TECRL: variants seen among roughly 807,000 people sequenced by gnomAD.
The protein encoded by TECRL is trans-2,3-enoyl-CoA reductase like.
Under a neutral mutation model 52.8 loss-of-function variants are expected in TECRL, and 63 were observed. That is an observed-to-expected ratio of 1.19 (90% CI 0.97 to 1.47). The LOEUF (loss-of-function observed/expected upper bound fraction) is 1.47. TECRL is among the 40% of genes most tolerant of loss of function. The pLI is 0.00. For synonymous variants in TECRL, 164 were observed against 141.9 expected, an observed-to-expected ratio of 1.16 and a Z score of -1.10; for missense variants, 482 against 429.6, an observed-to-expected ratio of 1.12 and a Z score of -1.08.
At chr4:64,295,135 A>G (rs1360897199) in intron 8 of TECRL, among the ~76,000 whole-genome samples, 1 of 151,622 alleles carries the variant, frequency 6.6e-6, no homozygotes, top group Non-Finnish European at 1.5e-5. Flanking sequence ...GATAACATGT[A>G]TTGTGCTTTA....
At chr4:64,388,851 A>G (rs1333345045) in intron 1 of TECRL, among the ~76,000 whole-genome samples, 3 of 151,934 alleles carry the variant, frequency 2.0e-5, no homozygotes, top group East Asian at 1.9e-4. Flanking sequence ...ACAATTACAC[A>G]TGATTGTTTT....
intron 1 of TECRL, among the ~76,000 whole-genome samples, chr4:64,377,357 T>C (rs1352664116): frequency 2.0e-5 from 3 of 152,038 alleles, no homozygotes; most frequent in Non-Finnish European, 4.4e-5. Flanking sequence ...GAGGAAAATA[T>C]GATAATTAGC....
intron 1 of TECRL, among the ~76,000 whole-genome samples, chr4:64,380,605 C>G (rs1722720723): frequency 6.6e-6 from 1 of 152,024 alleles, no homozygotes; most frequent in Non-Finnish European, 1.5e-5. Context: ...GGTCTAATCA[C>G]ATTCTTCTGC....
At chr4:64,352,960 A>C (rs11131525) in intron 2 of TECRL, among the ~76,000 whole-genome samples, 100,879 of 152,010 alleles carry the variant, frequency 0.66, 34,823 homozygotes, top group Non-Finnish European at 0.76. Context: ...CTCAAGTGAT[A>C]CTCCTGCCTC....
intron 1 of TECRL, among the ~76,000 whole-genome samples, chr4:64,397,028 C>A (rs932744646): frequency 2.0e-4 from 30 of 152,230 alleles, no homozygotes; most frequent in African/African-American, 7.2e-4. Flanking sequence ...GACACATAAA[C>A]TAATGGAACA....
chr4:64,350,829 T>A (rs1720341013), intron 2 of TECRL, among the ~76,000 whole-genome samples: 1 of 151,854 alleles, frequency 6.6e-6, no homozygotes, highest in African/African-American at 2.4e-5. Flanking sequence ...TGGTTCTGTT[T>A]CTCTAGAAAC....
intron 3 of TECRL, among the ~76,000 whole-genome samples, chr4:64,323,230 CA>C (rs532184669): frequency 2.0e-5 from 3 of 151,528 alleles, no homozygotes; most frequent in East Asian, 3.9e-4. Context: ...CCTGTCTCTA[CA>C]AAAAAACAGA....
chr4:64,316,463 T>TA (rs934353754), intron 4 of TECRL, among the ~76,000 whole-genome samples: 2 of 152,016 alleles, frequency 1.3e-5, no homozygotes, highest in South Asian at 2.1e-4. Flanking sequence ...ACAATGCATT[T>TA]AAAAAAATTA....
chr4:64,350,118 G>A (rs1329906793), intron 2 of TECRL, among the ~76,000 whole-genome samples: 1 of 151,810 alleles, frequency 6.6e-6, no homozygotes, highest in African/African-American at 2.4e-5. Flanking sequence ...TAAATAAAAA[G>A]TTATCAATGT....
At chr4:64,346,524 C>T (rs910338703) in intron 2 of TECRL, among the ~76,000 whole-genome samples, 2 of 152,404 alleles carry the variant, frequency 1.3e-5, no homozygotes, top group Admixed American at 1.3e-4. Flanking sequence ...GCTGCCAAGC[C>T]TAGGGGCTTG....
At chr4:64,288,620 A>G (rs1419964396) in intron 9 of TECRL, among the ~76,000 whole-genome samples, 1 of 152,158 alleles carries the variant, frequency 6.6e-6, no homozygotes, top group African/African-American at 2.4e-5. Context: ...TGACCAGCTC[A>G]GTGGTTGGAC....
intron 1 of TECRL, among the ~76,000 whole-genome samples, chr4:64,377,748 A>G (rs965179049): frequency 4.6e-5 from 7 of 152,104 alleles, no homozygotes; most frequent in East Asian, 3.8e-4. Flanking sequence ...TTTTCGTTCA[A>G]GCATTTAATC....
chr4:64,408,842 A>G (rs1342264839), intron 1 of TECRL, among the ~76,000 whole-genome samples: 1 of 152,088 alleles, frequency 6.6e-6, no homozygotes, highest in East Asian at 1.9e-4. Context: ...TTACCTGTGG[A>G]CAATGGTCAA....
chr4:64,299,923 A>T, intron 8 of TECRL, 51 bp downstream of exon 8: 1 of 1,199,598 alleles, frequency 8.3e-7, no homozygotes, highest in Non-Finnish European at 1.2e-6. Context: ...TGTTTTTCTT[A>T]ATAATACCAA....
chr4:64,349,725 G>A (rs1720249009), intron 2 of TECRL, among the ~76,000 whole-genome samples: 1 of 152,084 alleles, frequency 6.6e-6, no homozygotes. Flanking sequence ...ATTATGTTGT[G>A]GTGCACAGCC....
At chr4:64,333,371 C>T (rs146301679) in intron 2 of TECRL, among the ~76,000 whole-genome samples, 1 of 151,884 alleles carries the variant, frequency 6.6e-6, no homozygotes, top group Non-Finnish European at 1.5e-5. Context: ...CACGTCTTTC[C>T]GTCATTAGAT....
chr4:64,338,921 T>A (rs1223321595), intron 2 of TECRL, among the ~76,000 whole-genome samples: 1 of 152,120 alleles, frequency 6.6e-6, no homozygotes, highest in East Asian at 1.9e-4. Context: ...GACCCAGCCA[T>A]CCCATTACTG....
chr4:64,394,520 C>A (rs1010415616), intron 1 of TECRL, among the ~76,000 whole-genome samples: 1 of 152,156 alleles, frequency 6.6e-6, no homozygotes, highest in African/African-American at 2.4e-5. Context: ...AATTCACACA[C>A]AATTCCCGTG....
At chr4:64,357,374 T>C (rs894279440) in intron 2 of TECRL, among the ~76,000 whole-genome samples, 17 of 151,800 alleles carry the variant, frequency 1.1e-4, no homozygotes, top group African/African-American at 3.9e-4. Context: ...AAGTTTACCC[T>C]GAAAAATAAA....
Sources: gnomAD v4.1 joint callset for allele counts (sites outside exome capture counted in the v4.1 genomes callset) on GRCh38, gnomAD v4.1.1 for gene constraint, MANE v1.5 for transcripts, NCBI Gene and HGNC (gene_info 2026-07-23, HGNC 2026-07-21) for gene names.